The following C11orf65 variants were observed in gnomAD, a reference collection of about 807,000 sequenced individuals.
C11orf65 encodes chromosome 11 open reading frame 65.
C11orf65 carries 38 observed loss-of-function variants against 35.3 expected under a neutral mutation model. The ratio of observed to expected loss-of-function variants is 1.08; its 90% CI spans 0.83 to 1.41. The LOEUF is 1.41. C11orf65 is among the 40% of genes most tolerant of loss of function. The pLI, the probability that C11orf65 is intolerant of heterozygous loss-of-function variation, is 0.00. For synonymous variants in C11orf65, 105 were observed against 114.4 expected (o/e 0.92, Z 0.53); for missense variants, 370 against 367.1 (o/e 1.01, Z -0.06).
At chr11:108,406,224 G>A (rs2092537323) in intron 5 of C11orf65, among the ~76,000 whole-genome samples, 1 of 152,148 alleles carries the variant, frequency 6.6e-6, no homozygotes, top group African/African-American at 2.4e-5. Flanking sequence ...CTGGTATATG[G>A]TTGATATGCA....
At chr11:108,388,870 C>A (rs962438245) in intron 7 of C11orf65, among the ~76,000 whole-genome samples, 1 of 152,224 alleles carries the variant, frequency 6.6e-6, no homozygotes, top group African/African-American at 2.4e-5. Context: ...TGCAACAGTA[C>A]TCATTAGTGT....
intron 3 of C11orf65, among the ~76,000 whole-genome samples, chr11:108,428,742 C>T (rs1388086063): frequency 6.6e-6 from 1 of 152,106 alleles, no homozygotes; most frequent in African/African-American, 2.4e-5. Flanking sequence ...AGCAAATCAC[C>T]ATGGTACATG....
intron 6 of C11orf65, among the ~76,000 whole-genome samples, chr11:108,316,841 G>A (rs1467694019): frequency 6.6e-6 from 1 of 151,752 alleles, no homozygotes; most frequent in Non-Finnish European, 1.5e-5. Flanking sequence ...CAGGAGAATG[G>A]CGTGAACCTG....
At chr11:108,463,317 C>T (rs944299524) in intron 1 of C11orf65, among the ~76,000 whole-genome samples, 1 of 152,114 alleles carries the variant, frequency 6.6e-6, no homozygotes, top group Non-Finnish European at 1.5e-5. Context: ...TTATATATTT[C>T]TCAACTTGCC....
At chr11:108,332,676 T>A (rs2136552707) in intron 3 of C11orf65, 2 of 1,396,272 alleles carry the variant, frequency 1.4e-6, no homozygotes, top group Non-Finnish European at 2.0e-6. Flanking sequence ...GTGCATAAAT[T>A]CTGTTTTTCT....
intron 6 of C11orf65, among the ~76,000 whole-genome samples, chr11:108,403,052 C>T (rs1422781917): frequency 6.6e-6 from 1 of 152,166 alleles, no homozygotes; most frequent in African/African-American, 2.4e-5. Context: ...TGAACATTCA[C>T]ATACAATCTT....
intron 2 of C11orf65, among the ~76,000 whole-genome samples, chr11:108,371,320 C>G (rs569657846): frequency 6.6e-6 from 1 of 152,136 alleles, no homozygotes; most frequent in Non-Finnish European, 1.5e-5. Context: ...TGGTGTGCAA[C>G]CAACCTCCAG....
intron 7 of C11orf65, among the ~76,000 whole-genome samples, chr11:108,390,480 T>C (rs1565636032): frequency 6.6e-6 from 1 of 152,238 alleles, no homozygotes; most frequent in South Asian, 2.1e-4. Flanking sequence ...TGACAGAATA[T>C]AGAATATCTG....
intron 3 of C11orf65, among the ~76,000 whole-genome samples, chr11:108,430,295 ATTT>A (rs34278416): frequency 5.6e-5 from 7 of 125,788 alleles, no homozygotes; most frequent in Non-Finnish European, 1.7e-5. Flanking sequence ...CGCCTGGCTA[ATTT>A]TTTTTTTTTT....
chr11:108,317,433 GAAAAT>G, intron 6 of C11orf65: 1 of 1,611,756 alleles, frequency 6.2e-7, no homozygotes, highest in East Asian at 2.2e-5. Flanking sequence ...ATTGGATTAT[GAAAAT>G]AAAGACTGGT....
At chr11:108,449,585 G>C (rs2085665270) in intron 2 of C11orf65, among the ~76,000 whole-genome samples, 1 of 151,968 alleles carries the variant, frequency 6.6e-6, no homozygotes, top group South Asian at 2.1e-4. Flanking sequence ...CTAGCCATAG[G>C]TAGAAAGCTG....
At chr11:108,328,959 T>C, downstream of C11orf65, 1 of 1,476,272 alleles carries the variant, frequency 6.8e-7, no homozygotes, top group Non-Finnish European at 9.4e-7. Context: ...TTAATTTGAG[T>C]GATTCTTTAG....
rs560768801 is a variant in C11orf65, at chr11:108,370,909, G to T, written c.226+22299C>A. Among the ~76,000 whole-genome samples, 3 of 152,032 alleles carry T rather than the reference G, an allele frequency of 2.0e-5. No individual in the cohort carries two copies. The South Asian group carries it at 6.2e-4, about 31-fold the overall frequency. On this transcript the variant is annotated intron_variant, in intron 2 of 3. Transcript: ENST00000524755. ...GTTTCCAAGTGGGATTTCCTTTCCAGCATTTCTTGAGAAACTTTTTGTTTT... is the reference window on the plus strand; with the variant it reads ...GTTTCCAAGTGGGATTTCCTTTCCATCATTTCTTGAGAAACTTTTTGTTTT...
At chr11:108,371,312 G>A (rs771353160) in intron 2 of C11orf65, among the ~76,000 whole-genome samples, 1 of 152,038 alleles carries the variant, frequency 6.6e-6, no homozygotes, top group South Asian at 2.1e-4. Flanking sequence ...ATTTCCAGTG[G>A]TGTGCAACCA....
intron 2 of C11orf65, chr11:108,356,241 G>T (rs1221661081): frequency 6.6e-6 from 1 of 152,054 alleles, no homozygotes; most frequent in Non-Finnish European, 1.5e-5. Context: ...ACTTTTTCAT[G>T]TAAGAAAAAG....
At position 108,408,721 on chromosome 11, in the gene C11orf65, AATAAAATAAAATGAT is replaced by A. The variant is rs1213361850; in HGVS notation, c.175-1587_175-1573del. ...AATAAAATAAAATAAAATAAAATAA[AATAAAATAAAATGAT>A]ATAAGAATTGTATATAATAGGTTTT... On this transcript the variant is annotated intron_variant, in intron 3 of 8. Transcript: ENST00000393084. Among the ~76,000 whole-genome samples the A allele has an allele frequency of 3.6e-4, 47 of 130,954 alleles. 2 individuals carry two copies. Among genetic ancestry groups the A allele is most frequent in the African/African-American group, 1.4e-3 (42 of 29,302 alleles). 85.9% of individuals were successfully genotyped at this position (130,954 alleles called of 152,430 possible).
chr11:108,378,796 C>A (rs1475773063), downstream of C11orf65, among the ~76,000 whole-genome samples: 2 of 145,024 alleles, frequency 1.4e-5, no homozygotes, highest in Admixed American at 6.8e-5. Flanking sequence ...AAAAAAACAA[C>A]CCCATCAAAA....
chr11:108,443,694 C>T (rs2093200059), intron 2 of C11orf65, among the ~76,000 whole-genome samples: 1 of 152,092 alleles, frequency 6.6e-6, no homozygotes, highest in South Asian at 2.1e-4. Context: ...TACATGGAAA[C>T]TGAACAACCT....
chr11:108,424,289 C>T lies in C11orf65; in HGVS notation c.174+7457G>A, dbSNP rs531007811. On this transcript the variant is annotated intron_variant, in intron 3 of 8. Transcript: ENST00000393084. ...AGTATCAATAGCTGAATTGATCAAG[C>T]GGAAGAAAGGACATCAGAGATTGAA... Among the ~76,000 whole-genome samples, 124 of 151,598 alleles carry T rather than the reference C, an allele frequency of 8.2e-4. 1 individual carries two copies. The South Asian group carries it at 0.024, about 29-fold the overall frequency.
Sources: allele counts gnomAD v4.1 joint callset (sites outside exome capture counted in the v4.1 genomes callset), GRCh38; gene constraint gnomAD v4.1.1; transcripts MANE v1.5; gene names NCBI Gene and HGNC (gene_info 2026-07-23, HGNC 2026-07-21).